Variants in ZNF536 observed in about 807,000 individuals in gnomAD.
The protein encoded by ZNF536 is zinc finger protein 536.
Under a neutral mutation model 84.5 loss-of-function variants are expected in ZNF536, and 13 were observed. The ratio of observed to expected loss-of-function variants is 0.15; its 90% CI spans 0.10 to 0.24. The LOEUF is 0.24. Among genes scored for constraint, ZNF536 ranks in the 10% least tolerant of loss-of-function variants. The pLI is 1.00. For synonymous variants in ZNF536, 811 were observed against 742.5 expected, an observed-to-expected ratio of 1.09 and a Z score of -1.50; for missense variants, 1,536 against 1,747.5, an observed-to-expected ratio of 0.88 and a Z score of 2.16.
chr19:30,462,512 G>A (rs748178003), intron 2 of ZNF536, among the ~76,000 whole-genome samples: 4 of 151,922 alleles, frequency 2.6e-5, no homozygotes, highest in African/African-American at 4.8e-5. Context: ...GGCTATGGCT[G>A]TCTTGGTATG....
chr19:30,427,130 T>A (rs1195209090), intron 1 of ZNF536, among the ~76,000 whole-genome samples: 1 of 152,212 alleles, frequency 6.6e-6, no homozygotes, highest in Non-Finnish European at 1.5e-5. Context: ...GGCCTCTGTT[T>A]ACCTATCTGT....
chr19:30,360,225 C>T (rs1473985369), intron 3 of ZNF536, among the ~76,000 whole-genome samples: 1 of 152,162 alleles, frequency 6.6e-6, no homozygotes, highest in Non-Finnish European at 1.5e-5. Context: ...CGGCTCTGGG[C>T]CTCACCTCCT....
intron 2 of ZNF536, among the ~76,000 whole-genome samples, chr19:30,505,110 G>A (rs1262824403): frequency 3.3e-5 from 5 of 151,818 alleles, no homozygotes; most frequent in Non-Finnish European, 5.9e-5. Context: ...TTTATACAAA[G>A]TTGAAGAGTA....
chr19:30,251,416 G>A (rs190946535), intron 1 of ZNF536, among the ~76,000 whole-genome samples: 83 of 152,272 alleles, frequency 5.5e-4, no homozygotes, highest in Non-Finnish European at 8.2e-4. Context: ...TCAGAGCACT[G>A]ACTTTTTCTA....
At chr19:30,498,897 C>T (rs1269964347) in intron 2 of ZNF536, among the ~76,000 whole-genome samples, 1 of 152,070 alleles carries the variant, frequency 6.6e-6, no homozygotes, top group East Asian at 1.9e-4. Context: ...AGCGAGGAGC[C>T]GAGGAGCCGT....
At chr19:30,363,495 C>A (rs1217177452) in intron 3 of ZNF536, among the ~76,000 whole-genome samples, 1 of 151,972 alleles carries the variant, frequency 6.6e-6, no homozygotes, top group African/African-American at 2.4e-5. Flanking sequence ...ATACACAGAG[C>A]CTGGCTACTC....
intron 1 of ZNF536, among the ~76,000 whole-genome samples, chr19:30,420,292 T>A (rs1042526686): frequency 1.3e-5 from 2 of 152,162 alleles, no homozygotes; most frequent in African/African-American, 4.8e-5. Flanking sequence ...CCTGATCACA[T>A]CTCTTATGTC....
At chr19:30,698,278 C>T (rs1162459715) in intron 1 of ZNF536, among the ~76,000 whole-genome samples, 2 of 146,852 alleles carry the variant, frequency 1.4e-5, no homozygotes, top group Admixed American at 1.4e-4. Flanking sequence ...GGTGACAGAG[C>T]AAGACTCAGT....
chr19:30,469,276 T>A (rs2053538056), intron 2 of ZNF536, among the ~76,000 whole-genome samples: 1 of 151,636 alleles, frequency 6.6e-6, no homozygotes, highest in South Asian at 2.1e-4. Flanking sequence ...TAGCCGGGCG[T>A]GGTGGTGGGC....
At chr19:30,711,400 T>C (rs541467363) in exon 2 of ZNF536, 2 of 152,338 alleles carry the variant, frequency 1.3e-5, no homozygotes, top group African/African-American at 4.8e-5. Flanking sequence ...GGAGGGGCTG[T>C]GTTTTCGTTG....
At chr19:30,291,027 T>C (rs1323473391) in intron 2 of ZNF536, among the ~76,000 whole-genome samples, 1 of 152,330 alleles carries the variant, frequency 6.6e-6, no homozygotes, top group South Asian at 2.1e-4. Flanking sequence ...CTCATCCTTT[T>C]TTATGGCTGC....
chr19:30,633,387 A>G (rs938880919), intron 1 of ZNF536, among the ~76,000 whole-genome samples: 1 of 152,266 alleles, frequency 6.6e-6, no homozygotes, highest in Non-Finnish European at 1.5e-5. Flanking sequence ...AACATATCCC[A>G]TCACCTCAAA....
chr19:30,549,512 G>A lies in ZNF536; in HGVS notation c.3893G>A (p.Cys1298Tyr), dbSNP rs774461935. The A allele has an allele frequency of 1.2e-5, 18 of 1,507,500 alleles. No homozygotes were observed. The highest frequency in any genetic ancestry group is 2.8e-5 in the African/African-American group (2 of 71,660). 93.4% of individuals were successfully genotyped at this position (1,507,500 alleles called of 1,614,324 possible). The change falls in exon 4 of 5, where the codon TGT becomes TAT. Residue 1298 changes from cysteine to tyrosine, a missense_variant and splice_region_variant. Around this residue, in one of 8 missense-constraint regions of ZNF536, gnomAD observed 624 missense variants for 603.1 expected, o/e 1.03. Coordinates refer to ENST00000355537, the MANE Select transcript of ZNF536 (RefSeq NM_014717.3). ...GGATGTATCAAGAGGCCAGACTTGTGTGGTAAGTTTTAGAATCCTCTTCCT... is the reference window on the plus strand; with the variant it reads ...GGATGTATCAAGAGGCCAGACTTGTATGGTAAGTTTTAGAATCCTCTTCCT... ...NSGCIKRPDL[C>Y]GK
chr19:30,426,783 G>A (rs1222852963), intron 1 of ZNF536, among the ~76,000 whole-genome samples: 2 of 152,114 alleles, frequency 1.3e-5, no homozygotes, highest in Non-Finnish European at 2.9e-5. Flanking sequence ...GTGAGCGTGG[G>A]GCCCGGCAGG....
At chr19:30,560,753 G>A (rs1183495408), downstream of ZNF536, among the ~76,000 whole-genome samples, 4 of 152,182 alleles carry the variant, frequency 2.6e-5, no homozygotes, top group African/African-American at 9.7e-5. Context: ...TAGATATTCT[G>A]GTTGGAGAAA....
intron 2 of ZNF536, among the ~76,000 whole-genome samples, chr19:30,322,589 C>G (rs2046893849): frequency 6.6e-6 from 1 of 152,200 alleles, no homozygotes; most frequent in Admixed American, 6.5e-5. Context: ...GGAAGCCAGC[C>G]CAGTCTTCCT....
intron 1 of ZNF536, among the ~76,000 whole-genome samples, chr19:30,245,780 G>T (rs914767511): frequency 6.6e-6 from 1 of 152,238 alleles, no homozygotes; most frequent in African/African-American, 2.4e-5. Flanking sequence ...GTTTATTCTG[G>T]CTTGGGTTTT....
chr19:30,403,330 C>G (rs946268820), intron 1 of ZNF536, among the ~76,000 whole-genome samples: 4 of 152,178 alleles, frequency 2.6e-5, no homozygotes, highest in African/African-American at 9.6e-5. Context: ...GCAGACAAGG[C>G]AGGCCTTTGA....
At chr19:30,409,026 C>A (rs1184693692) in intron 1 of ZNF536, among the ~76,000 whole-genome samples, 1 of 151,036 alleles carries the variant, frequency 6.6e-6, no homozygotes, top group Non-Finnish European at 1.5e-5. Flanking sequence ...ATCCATCCAT[C>A]CATCCATCCA....
Sources: allele counts gnomAD v4.1 joint callset (sites outside exome capture counted in the v4.1 genomes callset), GRCh38; gene constraint gnomAD v4.1.1; regional missense constraint gnomAD v4.1.1; transcripts MANE v1.5; gene names NCBI Gene and HGNC (gene_info 2026-07-23, HGNC 2026-07-21).